ADGRL3: variants seen among roughly 807,000 people sequenced by gnomAD.
ADGRL3 encodes adhesion G protein-coupled receptor L3, also known as calcium-independent alpha-latrotoxin receptor 3.
A neutral mutation model predicts 153.5 loss-of-function variants in ADGRL3; 62 were observed. The observed-to-expected ratio is 0.40, with a 90% confidence interval of 0.33 to 0.50. ADGRL3 has a LOEUF of 0.50. Among genes scored for constraint, ADGRL3 ranks in the 20% least tolerant of loss-of-function variants. ADGRL3 has a pLI of 0.47. For missense variants in ADGRL3, 1,641 were observed against 1,859.4 expected (o/e 0.88, Z 2.16); for synonymous variants, 710 against 672.5 (o/e 1.06, Z -0.86).
intron 20 of ADGRL3, among the ~76,000 whole-genome samples, chr4:61,997,670 T>C (rs1250739765): frequency 6.6e-6 from 1 of 152,196 alleles, no homozygotes; most frequent in Non-Finnish European, 1.5e-5. Flanking sequence ...GGGTTTCCTT[T>C]ACTTTAGTCC....
At chr4:61,414,044 C>T (rs533281704) in intron 2 of ADGRL3, among the ~76,000 whole-genome samples, 56 of 152,218 alleles carry the variant, frequency 3.7e-4, no homozygotes, top group African/African-American at 1.3e-3. Flanking sequence ...TCCAAAAGGC[C>T]TGTTTCTATT....
intron 9 of ADGRL3, among the ~76,000 whole-genome samples, chr4:61,834,548 C>A (rs2097911659): frequency 6.6e-6 from 1 of 152,238 alleles, no homozygotes; most frequent in African/African-American, 2.4e-5. Flanking sequence ...GTTTCAATCC[C>A]TCCCTTTGGG....
chr4:61,381,573 A>G (rs1560548793), intron 1 of ADGRL3, among the ~76,000 whole-genome samples: 1 of 151,828 alleles, frequency 6.6e-6, no homozygotes, highest in Non-Finnish European at 1.5e-5. Context: ...TATCAGGGAG[A>G]ACTTTGTGAA....
rs1408971542 is a variant in ADGRL3 at position 61,200,461 on chromosome 4, C to T, written c.-1544C>T. The stretch of plus-strand genomic sequence containing the variant: ...GGCCCGGCACCGCTCGCTCCAGTTC[C>T]CAGGAGCGGGGATGCAGATGCTGCA... On this transcript the variant is annotated 5_prime_UTR_variant, in exon 1 of 27. Transcript: ENST00000683033. Among the ~76,000 whole-genome samples the T allele has an allele frequency of 1.3e-5, 2 of 151,938 alleles. No homozygotes were observed. Among genetic ancestry groups the T allele is most frequent in the Non-Finnish European group, 2.9e-5 (2 of 67,916 alleles).
chr4:61,887,040 T>C (rs1213896799), intron 9 of ADGRL3, among the ~76,000 whole-genome samples: 1 of 151,714 alleles, frequency 6.6e-6, no homozygotes, highest in Non-Finnish European at 1.5e-5. Context: ...TATTTTTTTA[T>C]TTTTAGTAGA....
chr4:61,909,960 ATC>A (rs1339092035), intron 12 of ADGRL3, among the ~76,000 whole-genome samples: 3 of 152,142 alleles, frequency 2.0e-5, no homozygotes, highest in East Asian at 3.9e-4. Flanking sequence ...ATAAATGATA[ATC>A]TCTCTATATA....
intron 2 of ADGRL3, among the ~76,000 whole-genome samples, chr4:61,402,146 A>G (rs969985910): frequency 2.6e-5 from 4 of 152,112 alleles, no homozygotes; most frequent in African/African-American, 9.7e-5. Flanking sequence ...CAACATGTAA[A>G]AAACTTAGCT....
intron 9 of ADGRL3, among the ~76,000 whole-genome samples, chr4:61,832,583 A>G (rs1183512677): frequency 1.3e-5 from 2 of 152,144 alleles, no homozygotes; most frequent in African/African-American, 4.8e-5. Flanking sequence ...CCAAAGCACC[A>G]TATTGTGGGG....
chr4:61,563,199 A>G (rs896199477), intron 4 of ADGRL3, among the ~76,000 whole-genome samples: 3 of 152,190 alleles, frequency 2.0e-5, no homozygotes, highest in Non-Finnish European at 4.4e-5. Flanking sequence ...GTCCTTGAAC[A>G]TCTCCATCGG....
chr4:62,054,604 T>TA, intron 25 of ADGRL3, among the ~76,000 whole-genome samples: 1 of 151,706 alleles, frequency 6.6e-6, no homozygotes, highest in Non-Finnish European at 1.5e-5. Flanking sequence ...AGGGAGTTTT[T>TA]AAAAACAAAA....
At chr4:61,456,390 GATATATCTATATCTATATATATAT>G (rs1422057266) in intron 2 of ADGRL3, among the ~76,000 whole-genome samples, 2 of 99,174 alleles carry the variant, frequency 2.0e-5, no homozygotes, top group Non-Finnish European at 4.2e-5. Flanking sequence ...TATATATATA[GATATATCTATATCTATATATATAT>G]AGATATATCT....
intron 4 of ADGRL3, among the ~76,000 whole-genome samples, chr4:61,543,388 C>T (rs563029767): frequency 1.3e-5 from 2 of 152,160 alleles, no homozygotes; most frequent in South Asian, 2.1e-4. Flanking sequence ...GCAATGTTTG[C>T]CATCTTTGAA....
chr4:61,983,586 T>A lies in ADGRL3; in HGVS notation c.3219T>A (p.Ser1073Arg). 6.2e-7 allele frequency: 1 copy of A among 1,613,418 alleles called. No homozygotes were observed. The highest frequency in any genetic ancestry group is 1.1e-5 in the South Asian group (1 of 91,032). Residue 1073 changes from serine (S) to arginine (R), a missense_variant, in exon 19 of 27, where the codon AGT (serine) becomes AGA (arginine). Ser to Arg is a moderately radical substitution (Grantham distance 110). Around this residue, in one of 5 missense-constraint regions of ADGRL3, gnomAD observed 32 missense variants for 66.2 expected, o/e 0.48. Coordinates refer to ENST00000683033, the MANE Select transcript of ADGRL3 (RefSeq NM_001387552.1). ...TGTCAGCTGCAGTAGACTACAGGAG[T>A]TATGGAACAGATAAAGTGTAAGTTT... ...VAVSAAVDYR[S>R]YGTDKVCWLR...
At chr4:61,511,669 A>G (rs1440031369) in intron 3 of ADGRL3, among the ~76,000 whole-genome samples, 1 of 151,754 alleles carries the variant, frequency 6.6e-6, no homozygotes, top group Non-Finnish European at 1.5e-5. Context: ...TTTATGAAAC[A>G]AGGTAGTCTA....
chr4:61,609,383 T>A (rs1244886246), intron 5 of ADGRL3, among the ~76,000 whole-genome samples: 1 of 152,142 alleles, frequency 6.6e-6, no homozygotes, highest in Non-Finnish European at 1.5e-5. Context: ...GACTACACCC[T>A]AAAGACTATT....
Position 61,452,235 on chromosome 4 carries a change from G to T in ADGRL3, c.-173-44886G>T, listed in dbSNP as rs572969511. Among the ~76,000 whole-genome samples, 5 of 152,246 alleles carry T rather than the reference G, an allele frequency of 3.3e-5. No homozygotes were observed. The East Asian group carries it at 7.8e-4, about 24-fold the overall frequency. ...GACACTCTCCATTACCTCATTCCGG[G>T]ACTGCTCTGGAAGGTCATCTTGCAG... is the stretch of plus-strand genomic sequence containing the variant. On this transcript the variant is annotated intron_variant, in intron 2 of 26. Coordinates refer to ENST00000683033, the MANE Select transcript of ADGRL3 (RefSeq NM_001387552.1).
intron 1 of ADGRL3, among the ~76,000 whole-genome samples, chr4:61,294,247 A>T (rs1055660616): frequency 6.6e-6 from 1 of 152,114 alleles, no homozygotes; most frequent in African/African-American, 2.4e-5. Context: ...AGCTGAGTAC[A>T]TGTGTGGTGA....
chr4:61,780,887 A>T (rs2097205547), intron 8 of ADGRL3, among the ~76,000 whole-genome samples: 1 of 152,230 alleles, frequency 6.6e-6, no homozygotes, highest in South Asian at 2.1e-4. Context: ...TCTCTTAAAG[A>T]CAGAAGCATC....
Position 61,780,118 on chromosome 4 carries a change from A to G in ADGRL3, c.1400-33691A>G, listed in dbSNP as rs75471264. Among the ~76,000 whole-genome samples, 952 of 152,310 alleles carry G rather than the reference A, an allele frequency of 6.3e-3. 14 individuals are homozygous for G. Among genetic ancestry groups the G allele is most frequent in the African/African-American group, 0.022 (904 of 41,564 alleles). On this transcript the variant is annotated intron_variant, in intron 8 of 26. Transcript: ENST00000683033. ...AGCTGTGGAGCAATATATATATACTACCTTCCTCTCTAGACTTAGGCTGCT... is the reference window on the plus strand; with the variant it reads ...AGCTGTGGAGCAATATATATATACTGCCTTCCTCTCTAGACTTAGGCTGCT...
Sources: gnomAD v4.1 joint callset for allele counts (sites outside exome capture counted in the v4.1 genomes callset) on GRCh38, gnomAD v4.1.1 for gene constraint, gnomAD v4.1.1 regional missense constraint, MANE v1.5 for transcripts, NCBI Gene and HGNC (gene_info 2026-07-23, HGNC 2026-07-21) for gene names.